NALF1: variants seen among roughly 807,000 people sequenced by gnomAD.
NALF1 encodes the protein family with sequence similarity 155 member A.
A neutral mutation model predicts 48.4 loss-of-function variants in NALF1; 3 were observed. The observed-to-expected ratio is 0.06, with a 90% CI of 0.03 to 0.16. The LOEUF (loss-of-function observed/expected upper bound fraction) is 0.16, where lower values mean the gene tolerates loss of function less well. Among genes scored for constraint, NALF1 ranks in the 10% least tolerant of loss-of-function variants. The probability of loss-of-function intolerance (pLI) is 1.00; values close to 1 mark genes in which losing one functional copy is unlikely to be tolerated. For synonymous variants in NALF1, 262 were observed against 245.7 expected, an observed-to-expected ratio of 1.07 and a Z score of -0.62; for missense variants, 526 against 571.5, an observed-to-expected ratio of 0.92 and a Z score of 0.81.
In NALF1 at chr13:107,281,895, G is replaced by A. The variant is rs187149177; in HGVS notation, c.916-71140C>T. 4.6e-5 allele frequency among the ~76,000 whole-genome samples: 7 copies of A among 152,140 alleles called. No individual in the cohort carries two copies. In the East Asian group the frequency reaches 5.8e-4, roughly 13 times the overall value. On this transcript the variant is annotated intron_variant, in intron 1 of 2. Transcript: ENST00000375915. ...CTTATGAGAATTCACTCAATATCAC[G>A]GGGCAGCCTGGGGGAAACCACCCCC...
intron 1 of NALF1, among the ~76,000 whole-genome samples, chr13:107,863,337 A>C (rs558119863): frequency 6.6e-5 from 10 of 152,272 alleles, no homozygotes; most frequent in African/African-American, 2.4e-4. Flanking sequence ...AAGAGAAAAT[A>C]TATGTTAAAC....
intron 1 of NALF1, among the ~76,000 whole-genome samples, chr13:107,384,056 C>A (rs375620478): frequency 6.6e-6 from 1 of 152,028 alleles, no homozygotes; most frequent in African/African-American, 2.4e-5. Context: ...CAAGATCAGC[C>A]TGGACAACAA....
chr13:107,235,773 C>T (rs1181274891), intron 1 of NALF1, among the ~76,000 whole-genome samples: 1 of 152,182 alleles, frequency 6.6e-6, no homozygotes, highest in Non-Finnish European at 1.5e-5. Flanking sequence ...TTTTCAGGAA[C>T]ACTTTCCATC....
In NALF1 at chr13:107,676,271, T is replaced by C. The variant is rs191215415; in HGVS notation, c.915+189411A>G. ...ACTATTTATTCAACCAACAGAGTCA[T>C]ATAGACTTAGGTCCGGTGCCTAAAG... On this transcript the variant is annotated intron_variant, in intron 1 of 2. Transcript: ENST00000375915. Among the ~76,000 whole-genome samples the C allele has an allele frequency of 1.1e-3, 170 of 152,316 alleles. 1 individual carries two copies. The highest frequency in any genetic ancestry group is 3.4e-3 in the Middle Eastern group (1 of 294).
intron 1 of NALF1, among the ~76,000 whole-genome samples, chr13:107,489,185 C>A (rs1262550788): frequency 6.6e-6 from 1 of 152,088 alleles, no homozygotes; most frequent in Non-Finnish European, 1.5e-5. Flanking sequence ...GAATCGATAT[C>A]ATTAAAATAG....
chr13:107,814,399 G>A (rs9301259), intron 1 of NALF1, among the ~76,000 whole-genome samples: 36,638 of 152,042 alleles, frequency 0.24, 6,315 homozygotes, highest in African/African-American at 0.49. Flanking sequence ...TACGCATTTT[G>A]GATTTTCCAA....
chr13:107,734,636 A>T (rs1482988325), intron 1 of NALF1, among the ~76,000 whole-genome samples: 1 of 152,074 alleles, frequency 6.6e-6, no homozygotes, highest in African/African-American at 2.4e-5. Flanking sequence ...GTTCTTTCTG[A>T]TAATAGATGG....
intron 1 of NALF1, among the ~76,000 whole-genome samples, chr13:107,430,503 T>C (rs1057261684): frequency 6.6e-6 from 1 of 152,090 alleles, no homozygotes; most frequent in African/African-American, 2.4e-5. Flanking sequence ...CCTGTGTCCA[T>C]GTGTTCTCAC....
chr13:107,242,068 T>G (rs958002079), intron 1 of NALF1, among the ~76,000 whole-genome samples: 8 of 152,338 alleles, frequency 5.3e-5, no homozygotes, highest in Admixed American at 5.2e-4. Flanking sequence ...CTTAAGCCCT[T>G]GGAACATTTA....
intron 1 of NALF1, among the ~76,000 whole-genome samples, chr13:107,566,974 T>A (rs7993346): frequency 0.7 from 106,911 of 152,044 alleles, 38,217 homozygotes; most frequent in East Asian, 0.8. Context: ...GGGTTCATTT[T>A]ATTTTATTTT....
chr13:107,747,959 C>T (rs929026600), intron 1 of NALF1, among the ~76,000 whole-genome samples: 6 of 152,154 alleles, frequency 3.9e-5, no homozygotes, highest in African/African-American at 1.4e-4. Flanking sequence ...ATATTTTCCC[C>T]ATTCTGATTA....
At chr13:107,693,331 G>A (rs985448369) in intron 1 of NALF1, among the ~76,000 whole-genome samples, 1 of 106,856 alleles carries the variant, frequency 9.4e-6, no homozygotes, top group Non-Finnish European at 2.1e-5. Context: ...CGTAGGGTAG[G>A]GGGGGCGGGA....
At chr13:107,713,889 A>G (rs779584848) in intron 1 of NALF1, among the ~76,000 whole-genome samples, 7 of 152,252 alleles carry the variant, frequency 4.6e-5, no homozygotes, top group Non-Finnish European at 1.0e-4. Context: ...AAAATGCATT[A>G]TAGGCAGTAT....
intron 1 of NALF1, among the ~76,000 whole-genome samples, chr13:107,280,941 A>G: frequency 6.6e-6 from 1 of 152,246 alleles, no homozygotes; most frequent in East Asian, 1.9e-4. Context: ...ACAGTTTGGC[A>G]TAATGGAGCT....
chr13:107,321,244 T>C (rs1882249339), intron 1 of NALF1, among the ~76,000 whole-genome samples: 1 of 152,120 alleles, frequency 6.6e-6, no homozygotes. Context: ...AAGTGGAGTT[T>C]CCAAGATAAA....
At chr13:107,495,560 T>C (rs1875302277) in intron 1 of NALF1, among the ~76,000 whole-genome samples, 1 of 152,178 alleles carries the variant, frequency 6.6e-6, no homozygotes, top group African/African-American at 2.4e-5. Flanking sequence ...CTAAGTGTCT[T>C]GTATACCCTG....
At chr13:107,642,571 T>C (rs955555755) in intron 1 of NALF1, among the ~76,000 whole-genome samples, 1 of 152,222 alleles carries the variant, frequency 6.6e-6, no homozygotes, top group East Asian at 1.9e-4. Flanking sequence ...ATATAGCTCC[T>C]GAAAATATCA....
rs1878773513 is a variant in NALF1 at position 107,170,393 on chromosome 13, A to G, written c.*104T>C. On this transcript the variant is annotated 3_prime_UTR_variant, in exon 3 of 3. Transcript: ENST00000375915. ...TAAATTTTACCCTAAAGGCCTTGCA[A>G]TAAGTAATTCGAGGGTAAAAGCACC... 2 of 1,169,552 alleles carry G rather than the reference A, an allele frequency of 1.7e-6. No homozygotes were observed. Among genetic ancestry groups the G allele is most frequent in the African/African-American group, 1.5e-5 (1 of 65,524 alleles). The allele number at this position is 1,169,552 out of a possible 1,614,324, so 72.4% of individuals were successfully genotyped here.
At chr13:107,682,257 T>C (rs947650630) in intron 1 of NALF1, among the ~76,000 whole-genome samples, 4 of 152,172 alleles carry the variant, frequency 2.6e-5, no homozygotes, top group East Asian at 1.9e-4. Flanking sequence ...TGCTCTAATA[T>C]GCTTTAAGAA....
Sources: allele counts gnomAD v4.1 joint callset (sites outside exome capture counted in the v4.1 genomes callset), GRCh38; gene constraint gnomAD v4.1.1; transcripts MANE v1.5; gene names NCBI Gene and HGNC (gene_info 2026-07-23, HGNC 2026-07-21).